TENM3: variants seen among roughly 807,000 people sequenced by gnomAD.
TENM3 encodes the protein teneurin-3.
A neutral mutation model predicts 255.1 loss-of-function variants in TENM3; 63 were observed. The observed-to-expected ratio is 0.25, with a 90% CI of 0.20 to 0.30. TENM3 has a LOEUF of 0.30. TENM3 is among the 10% of genes least tolerant of loss of function. The pLI is 1.00. For synonymous variants in TENM3, 1,306 were observed against 1,322.3 expected (o/e 0.99, Z 0.27); for missense variants, 2,929 against 3,461.1 (o/e 0.85, Z 3.86).
the TENM3 span, among the ~76,000 whole-genome samples, chr4:181,490,211 A>G: frequency 6.6e-6 from 1 of 152,206 alleles, no homozygotes; most frequent in Non-Finnish European, 1.5e-5. Context: ...TATATAACAC[A>G]TTATTAACTA....
chr4:181,518,001 T>G, the TENM3 span, among the ~76,000 whole-genome samples: 1 of 152,118 alleles, frequency 6.6e-6, no homozygotes, highest in Non-Finnish European at 1.5e-5. Context: ...TGTTGTGTAG[T>G]AATCTTGTTG....
the TENM3 span, among the ~76,000 whole-genome samples, chr4:182,066,599 A>AAAAAT: frequency 9.9e-4 from 136 of 137,116 alleles, no homozygotes; most frequent in African/African-American, 3.6e-3. Context: ...GTAAAAAAAA[A>AAAAAT]ATATATATAT....
intron 2 of TENM3, among the ~76,000 whole-genome samples, chr4:182,340,327 GTCA>G (rs1469096041): frequency 6.6e-6 from 1 of 152,174 alleles, no homozygotes; most frequent in African/African-American, 2.4e-5. Context: ...TGTGTTGTGA[GTCA>G]TCAATTAGAT....
chr4:182,059,857 CAGG>C, the TENM3 span, among the ~76,000 whole-genome samples: 15 of 151,960 alleles, frequency 9.9e-5, no homozygotes, highest in African/African-American at 3.4e-4. Context: ...CAATTGAGCC[CAGG>C]AGGTGGAGGA....
At chr4:182,170,926 G>A (rs1287285445) in intron 1 of TENM3, among the ~76,000 whole-genome samples, 1 of 151,892 alleles carries the variant, frequency 6.6e-6, no homozygotes, top group Non-Finnish European at 1.5e-5. Flanking sequence ...GACTTTTGAT[G>A]CTTCTTACTA....
chr4:181,838,116 GC>G, the TENM3 span, among the ~76,000 whole-genome samples: 3 of 146,086 alleles, frequency 2.1e-5, no homozygotes, highest in African/African-American at 7.6e-5. Flanking sequence ...TGCAGCCTGG[GC>G]AACAGAGCAA....
intron 13 of TENM3, among the ~76,000 whole-genome samples, chr4:182,727,265 G>A (rs1007658233): frequency 1.1e-4 from 17 of 152,092 alleles, no homozygotes; most frequent in Admixed American, 6.5e-4. Flanking sequence ...AGATGAGCCT[G>A]GTCAACATGG....
the TENM3 span, among the ~76,000 whole-genome samples, chr4:182,004,961 G>A: frequency 6.6e-6 from 1 of 152,104 alleles, no homozygotes; most frequent in Non-Finnish European, 1.5e-5. Flanking sequence ...GTAAATTCTG[G>A]TTATTAGACC....
chr4:182,634,133 A>G lies in TENM3; in HGVS notation c.988+5244A>G, dbSNP rs149611838. On this transcript the variant is annotated intron_variant, in intron 5 of 27. Coordinates refer to ENST00000511685, the MANE Select transcript of TENM3 (RefSeq NM_001080477.4). ...TGTCACGTGTCCCGTTTCATGATGG[A>G]AATGTTCTGTTTCCACACTGTCCAA... 1.5e-4 allele frequency among the ~76,000 whole-genome samples: 23 copies of G among 152,248 alleles called. No homozygotes were observed. In the East Asian group the frequency reaches 4.3e-3, roughly 28 times the overall value.
intron 11 of TENM3, among the ~76,000 whole-genome samples, chr4:182,686,463 C>T (rs538945009): frequency 6.6e-6 from 1 of 151,996 alleles, no homozygotes; most frequent in Non-Finnish European, 1.5e-5. Context: ...CTAAGTGAAT[C>T]CTAAAGGAAA....
the TENM3 span, among the ~76,000 whole-genome samples, chr4:181,605,480 G>GAGAAAGAAAGAAAGAAAGAAAGAA: frequency 4.7e-5 from 3 of 63,972 alleles, no homozygotes; most frequent in Admixed American, 1.8e-4. Flanking sequence ...GAGAGAAACA[G>GAGAAAGAAAGAAAGAAAGAAAGAA]AGAAAGAAAG....
the TENM3 span, among the ~76,000 whole-genome samples, chr4:181,482,598 T>A: frequency 0.96 from 146,874 of 152,222 alleles, 70,945 homozygotes; most frequent in Non-Finnish European, 0.99. Context: ...CTTACTAAGA[T>A]TTAAAGAGAT....
chr4:181,816,233 C>T, the TENM3 span, among the ~76,000 whole-genome samples: 2 of 152,110 alleles, frequency 1.3e-5, no homozygotes, highest in African/African-American at 4.8e-5. Context: ...TCCATTCTGC[C>T]CAACCTTCCA....
At chr4:181,812,037 G>A in the TENM3 span, among the ~76,000 whole-genome samples, 2 of 152,188 alleles carry the variant, frequency 1.3e-5, no homozygotes, top group African/African-American at 4.8e-5. Flanking sequence ...TCTGGCTGGA[G>A]TTAACACATT....
the TENM3 span, among the ~76,000 whole-genome samples, chr4:182,134,068 T>C: frequency 6.6e-6 from 1 of 151,544 alleles, no homozygotes; most frequent in African/African-American, 2.4e-5. Flanking sequence ...TAGAAAATCA[T>C]TGGTCCAGGG....
the TENM3 span, among the ~76,000 whole-genome samples, chr4:181,770,535 C>T: frequency 2.0e-5 from 3 of 152,002 alleles, no homozygotes; most frequent in African/African-American, 2.4e-5. Context: ...ATTAGATGGG[C>T]GTGGTGGCGG....
chr4:182,522,831 ATCATATGG>A (rs1738725497), intron 3 of TENM3, among the ~76,000 whole-genome samples: 1 of 152,196 alleles, frequency 6.6e-6, no homozygotes, highest in Non-Finnish European at 1.5e-5. Flanking sequence ...GGATTGCTGG[ATCATATGG>A]TAGTTCTATT....
chr4:181,903,934 T>A, the TENM3 span, among the ~76,000 whole-genome samples: 1 of 152,174 alleles, frequency 6.6e-6, no homozygotes, highest in Non-Finnish European at 1.5e-5. Flanking sequence ...TGGCTTTAGA[T>A]GTTGTCTCTA....
At chr4:182,438,945 G>A (rs541200521) in intron 3 of TENM3, among the ~76,000 whole-genome samples, 2 of 152,248 alleles carry the variant, frequency 1.3e-5, no homozygotes, top group African/African-American at 4.8e-5. Context: ...TCAGTCAAAT[G>A]GCCACCAAGG....
Sources: allele counts gnomAD v4.1 joint callset (sites outside exome capture counted in the v4.1 genomes callset), GRCh38; gene constraint gnomAD v4.1.1; transcripts MANE v1.5; gene names NCBI Gene and HGNC (gene_info 2026-07-23, HGNC 2026-07-21).